Variants in CLECL1 observed in about 807,000 individuals in gnomAD.
CLECL1 encodes C-type lectin-like domain family 1.
At chr12:9,705,915 T>A in the CLECL1 span, among the ~76,000 whole-genome samples, 3 of 152,318 alleles carry the variant, frequency 2.0e-5, no homozygotes. Context: ...TTATTCCATA[T>A]AAATTTTAAA....
At chr12:9,728,252 C>T (rs1375728896) in intron 2 of CLECL1, among the ~76,000 whole-genome samples, 2 of 151,638 alleles carry the variant, frequency 1.3e-5, no homozygotes, top group Non-Finnish European at 3.0e-5. Flanking sequence ...TAGTATTGAC[C>T]ATCTAAAACC....
chr12:9,720,761 T>C (rs959981672), downstream of CLECL1, among the ~76,000 whole-genome samples: 3 of 152,216 alleles, frequency 2.0e-5, no homozygotes, highest in Non-Finnish European at 2.9e-5. Context: ...AGAAATAGCC[T>C]GGGAGAGGTG....
At chr12:9,727,335 T>C (rs181449761) in intron 3 of CLECL1, among the ~76,000 whole-genome samples, 55 of 151,968 alleles carry the variant, frequency 3.6e-4, no homozygotes, top group African/African-American at 1.2e-3. Flanking sequence ...TGAAATACTT[T>C]TAAATTCATT....
chr12:9,732,882 T>C lies in CLECL1; in HGVS notation n.82+67A>G, dbSNP rs1866464346. On this transcript the variant is annotated intron_variant and non_coding_transcript_variant, in intron 1 of 3. Coordinates refer to ENST00000621400, the Ensembl canonical transcript of CLECL1. ...CTTTTCAGTTTGGCAATTAGATACA[T>C]AAGAAAGAAATAAAGGAGATAACTA... 7.6e-6 allele frequency: 10 copies of C among 1,314,904 alleles called. No individual in the cohort carries two copies. The South Asian group carries it at 1.5e-4, about 20-fold the overall frequency. 81.5% of individuals were successfully genotyped at this position (1,314,904 alleles called of 1,614,324 possible).
the CLECL1 span, among the ~76,000 whole-genome samples, chr12:9,707,096 G>A: frequency 6.6e-6 from 1 of 152,096 alleles, no homozygotes; most frequent in South Asian, 2.1e-4. Context: ...AGGTGTATTT[G>A]TCCAGAAATT....
At chr12:9,704,038 C>A in the CLECL1 span, 7 of 152,084 alleles carry the variant, frequency 4.6e-5, no homozygotes, top group East Asian at 1.3e-3. Flanking sequence ...AAAGAAGGAG[C>A]TAGAAAACTA....
exon 3 of CLECL1, chr12:9,716,026 G>GAAA (rs1866235695): frequency 1.3e-5 from 2 of 152,028 alleles, no homozygotes; most frequent in African/African-American, 4.8e-5. Context: ...AGACTTTCTG[G>GAAA]CCCCTGGTTT....
chr12:9,722,147 G>A (rs11832765), downstream of CLECL1, among the ~76,000 whole-genome samples: 1,166 of 152,278 alleles, frequency 7.7e-3, 18 homozygotes, highest in African/African-American at 0.027. Context: ...CACTGAGAAG[G>A]TTTAAAATAG....
At chr12:9,714,806 C>T (rs1271408753), downstream of CLECL1, among the ~76,000 whole-genome samples, 1 of 152,112 alleles carries the variant, frequency 6.6e-6, no homozygotes, top group East Asian at 1.9e-4. Context: ...CATGAAGTGA[C>T]ATTTAGAGAC....
At chr12:9,716,070 C>G (rs1866236540) in exon 3 of CLECL1, 1 of 152,312 alleles carries the variant, frequency 6.6e-6, no homozygotes, top group African/African-American at 2.4e-5. Flanking sequence ...AGTTCACCTT[C>G]ACAGTTGACT....
chr12:9,732,751 T>C (rs893426043), intron 1 of CLECL1, among the ~76,000 whole-genome samples, 198 bp downstream of exon 1: 1 of 152,218 alleles, frequency 6.6e-6, no homozygotes, highest in African/African-American at 2.4e-5. Flanking sequence ...TTCTACATAT[T>C]AAAACCAAAG....
chr12:9,702,723 C>A, the CLECL1 span, among the ~76,000 whole-genome samples: 3 of 152,148 alleles, frequency 2.0e-5, no homozygotes, highest in Non-Finnish European at 4.4e-5. Flanking sequence ...TGTAAAATAA[C>A]TAACTTTCCT....
chr12:9,723,619 ACAT>A (rs1173715106), intron 3 of CLECL1, among the ~76,000 whole-genome samples: 1 of 152,140 alleles, frequency 6.6e-6, no homozygotes, highest in Non-Finnish European at 1.5e-5. Flanking sequence ...AGTGAGTAAA[ACAT>A]CATTAAAAAA....
At chr12:9,714,575 A>G (rs184348505), downstream of CLECL1, among the ~76,000 whole-genome samples, 99 of 152,358 alleles carry the variant, frequency 6.5e-4, no homozygotes, top group Non-Finnish European at 1.2e-3. Flanking sequence ...GTATCATTAT[A>G]CAGCTTTTGC....
chr12:9,722,414 G>T, downstream of CLECL1: 1 of 724,314 alleles, frequency 1.4e-6, no homozygotes, highest in Non-Finnish European at 2.0e-6. Flanking sequence ...ATGGTCCCTT[G>T]GAGAGAAGAG....
downstream of CLECL1, among the ~76,000 whole-genome samples, chr12:9,713,926 A>G (rs1591713880): frequency 6.6e-6 from 1 of 152,268 alleles, no homozygotes; most frequent in East Asian, 1.9e-4. Context: ...CAGTTTTGTT[A>G]TATCTTTAAC....
At chr12:9,733,188 C>G (rs1407007973), upstream of CLECL1, 1 of 1,613,900 alleles carries the variant, frequency 6.2e-7, no homozygotes, top group Non-Finnish European at 8.5e-7. Flanking sequence ...AATGACAAAA[C>G]CAATGTGTTC....
intron 3 of CLECL1, among the ~76,000 whole-genome samples, chr12:9,725,910 GA>G (rs1446350210): frequency 6.6e-6 from 1 of 151,992 alleles, no homozygotes; most frequent in Non-Finnish European, 1.5e-5. Context: ...GAGATTCTAA[GA>G]ATAAGCTCTT....
At chr12:9,732,869 G>T in intron 1 of CLECL1, 80 bp downstream of exon 1, 1 of 1,162,484 alleles carries the variant, frequency 8.6e-7, no homozygotes, top group Non-Finnish European at 1.2e-6. Context: ...TTTCAGTTTG[G>T]CAATTAGATA....
Sources: allele counts gnomAD v4.1 joint callset (sites outside exome capture counted in the v4.1 genomes callset), GRCh38; gene constraint gnomAD v4.1.1; transcripts MANE v1.5; gene names NCBI Gene and HGNC (gene_info 2026-07-23, HGNC 2026-07-21).